LINGO2: variants seen among roughly 807,000 people sequenced by gnomAD.
LINGO2 encodes the protein leucine rich repeat and Ig domain containing 2.
In LINGO2, 14 loss-of-function variants were observed where a neutral mutation model predicts 30.6. The ratio of observed to expected loss-of-function variants is 0.46; its 90% CI spans 0.30 to 0.72. The LOEUF (loss-of-function observed/expected upper bound fraction) is 0.72. LINGO2 is among the 30% of genes least tolerant of loss of function. The pLI, the probability that LINGO2 is intolerant of heterozygous loss-of-function variation, is 0.07. For missense variants in LINGO2, 729 were observed against 751.7 expected, an observed-to-expected ratio of 0.97 and a Z score of 0.35; for synonymous variants, 317 against 288.5, an observed-to-expected ratio of 1.10 and a Z score of -1.00.
At chr9:28,574,017 C>T (rs1033317643) in intron 1 of LINGO2, among the ~76,000 whole-genome samples, 1 of 152,148 alleles carries the variant, frequency 6.6e-6, no homozygotes, top group East Asian at 1.9e-4. Context: ...AACTGGCTAT[C>T]TTCACATTAA....
chr9:28,852,385 T>C, the LINGO2 span, among the ~76,000 whole-genome samples: 2 of 151,976 alleles, frequency 1.3e-5, no homozygotes, highest in Admixed American at 6.6e-5. Context: ...ACTTAGCAAA[T>C]ACTTACTAAT....
chr9:28,685,955 TC>T, the LINGO2 span, among the ~76,000 whole-genome samples: 2 of 150,740 alleles, frequency 1.3e-5, no homozygotes, highest in Non-Finnish European at 1.5e-5. Flanking sequence ...GTGCATGATT[TC>T]TTTTATATAT....
chr9:28,383,188 C>A (rs919077067), intron 2 of LINGO2, among the ~76,000 whole-genome samples: 1 of 151,782 alleles, frequency 6.6e-6, no homozygotes, highest in African/African-American at 2.4e-5. Context: ...GACTTCTGCC[C>A]ACGTGGGTTG....
the LINGO2 span, among the ~76,000 whole-genome samples, chr9:28,741,227 G>A: frequency 6.6e-6 from 1 of 151,890 alleles, no homozygotes; most frequent in African/African-American, 2.4e-5. Flanking sequence ...GCCTAGCATT[G>A]GATAGGACTG....
intron 1 of LINGO2, among the ~76,000 whole-genome samples, chr9:28,480,675 C>T (rs1320666261): frequency 6.6e-6 from 1 of 152,104 alleles, no homozygotes; most frequent in African/African-American, 2.4e-5. Context: ...ACTGGCTTCT[C>T]AGATTTCAGT....
At chr9:29,109,384 G>T in the LINGO2 span, among the ~76,000 whole-genome samples, 1 of 151,732 alleles carries the variant, frequency 6.6e-6, no homozygotes, top group African/African-American at 2.4e-5. Flanking sequence ...AAGAAAAAAT[G>T]ATTTGCAAGA....
At chr9:28,671,379 T>C (rs1409208126), upstream of LINGO2, among the ~76,000 whole-genome samples, 1 of 151,824 alleles carries the variant, frequency 6.6e-6, no homozygotes, top group Non-Finnish European at 1.5e-5. Context: ...TAAATAAACC[T>C]AAATGCTCAT....
At chr9:28,502,153 CACACACACAT>C (rs911712308) in intron 1 of LINGO2, among the ~76,000 whole-genome samples, 15 of 148,200 alleles carry the variant, frequency 1.0e-4, no homozygotes, top group African/African-American at 3.8e-4. Context: ...CACACACACA[CACACACACAT>C]ACACACACAC....
At chr9:28,826,568 G>A in the LINGO2 span, among the ~76,000 whole-genome samples, 11 of 151,996 alleles carry the variant, frequency 7.2e-5, no homozygotes, top group Non-Finnish European at 4.4e-5. Context: ...AAATTGTTTA[G>A]GATTATTGCT....
the LINGO2 span, among the ~76,000 whole-genome samples, chr9:28,690,282 G>A: frequency 6.6e-6 from 1 of 152,022 alleles, no homozygotes; most frequent in Non-Finnish European, 1.5e-5. Context: ...ACATAGCCCA[G>A]CCCACACTCT....
the LINGO2 span, among the ~76,000 whole-genome samples, chr9:28,794,959 T>C: frequency 6.6e-6 from 1 of 151,714 alleles, no homozygotes; most frequent in Non-Finnish European, 1.5e-5. Flanking sequence ...ACCTCCCGAG[T>C]AGCTGGGATT....
rs978021156 is a variant in LINGO2, at chr9:28,457,257, A to C, written c.-279+18683T>G. ...AGAATCTTTTCCTTGCAAGGGACCA[A>C]CTATATAGCTAATCACATAGTAAAA... On this transcript the variant is annotated intron_variant, in intron 2 of 5. Coordinates refer to ENST00000379992, the Ensembl canonical transcript of LINGO2. 3.3e-5 allele frequency among the ~76,000 whole-genome samples: 5 copies of C among 152,334 alleles called. No homozygotes were observed. The South Asian group carries it at 1.0e-3, about 32-fold the overall frequency.
chr9:28,834,021 C>CT, the LINGO2 span, among the ~76,000 whole-genome samples: 365 of 143,620 alleles, frequency 2.5e-3, 1 homozygote, highest in South Asian at 3.4e-3. Context: ...TTTCTTGTTT[C>CT]TTTTTTTTTT....
chr9:28,858,571 C>A, the LINGO2 span, among the ~76,000 whole-genome samples: 2 of 151,998 alleles, frequency 1.3e-5, no homozygotes, highest in Admixed American at 1.3e-4. Context: ...CTCTAAAATG[C>A]GGGTTTCATC....
intron 4 of LINGO2, among the ~76,000 whole-genome samples, chr9:28,239,899 A>G (rs1243285876): frequency 1.3e-5 from 2 of 152,314 alleles, no homozygotes; most frequent in Non-Finnish European, 2.9e-5. Flanking sequence ...AGATTCTACA[A>G]GAAAACTATT....
the LINGO2 span, among the ~76,000 whole-genome samples, chr9:28,698,785 T>A: frequency 6.6e-6 from 1 of 151,964 alleles, no homozygotes. Context: ...CTCATACCAG[T>A]CATCTAAACA....
At chr9:28,672,129 G>C (rs1462293981), upstream of LINGO2, among the ~76,000 whole-genome samples, 1 of 151,990 alleles carries the variant, frequency 6.6e-6, no homozygotes, top group Non-Finnish European at 1.5e-5. Context: ...ACTTCCATTA[G>C]GGGGAAACAG....
intron 3 of LINGO2, among the ~76,000 whole-genome samples, chr9:28,327,597 CAAATTTTATCTCAGAATTT>C: frequency 6.6e-6 from 1 of 152,248 alleles, no homozygotes; most frequent in East Asian, 1.9e-4. Flanking sequence ...GTCAAACTGG[CAAATTTTATCTCAGAATTT>C]TGTTTGTTTT....
intron 4 of LINGO2, among the ~76,000 whole-genome samples, chr9:28,127,840 A>G (rs1373876111): frequency 6.6e-6 from 1 of 152,190 alleles, no homozygotes; most frequent in Non-Finnish European, 1.5e-5. Context: ...TTGATGTCAG[A>G]AAGACCTGGG....
Sources: gnomAD v4.1 joint callset for allele counts (sites outside exome capture counted in the v4.1 genomes callset) on GRCh38, gnomAD v4.1.1 for gene constraint, MANE v1.5 for transcripts, NCBI Gene and HGNC (gene_info 2026-07-23, HGNC 2026-07-21) for gene names.